The following FAAP20 variants were observed in gnomAD, a reference collection of about 807,000 sequenced individuals.
FAAP20 encodes FA core complex associated protein 20, also known as Fanconi anemia core complex-associated protein 20.
FAAP20 carries 12 observed loss-of-function variants against 16.2 expected under a neutral mutation model. That is an observed-to-expected ratio of 0.74 (90% CI 0.48 to 1.20). The LOEUF (loss-of-function observed/expected upper bound fraction) is 1.20. Among genes scored for constraint, FAAP20 ranks in the 50% most tolerant of loss-of-function variants. FAAP20 has a pLI of 0.00. For synonymous variants in FAAP20, 141 were observed against 110.7 expected, an observed-to-expected ratio of 1.27 and a Z score of -1.72; for missense variants, 288 against 245.8, an observed-to-expected ratio of 1.17 and a Z score of -1.15.
chr1:2,209,705 G>A (rs1457784001), downstream of FAAP20, among the ~76,000 whole-genome samples: 1 of 152,194 alleles, frequency 6.6e-6, no homozygotes, highest in African/African-American at 2.4e-5. Context: ...CTTGGTGCTG[G>A]TGGCGTTCGG....
upstream of FAAP20, chr1:2,198,114 C>T (rs1301564738): frequency 7.7e-7 from 1 of 1,291,128 alleles, no homozygotes; most frequent in Non-Finnish European, 1.0e-6. Flanking sequence ...TTCTTCGGAG[C>T]CATCTGCTGC....
chr1:2,202,276 C>G (rs952489591), upstream of FAAP20, among the ~76,000 whole-genome samples: 1 of 152,124 alleles, frequency 6.6e-6, no homozygotes, highest in Non-Finnish European at 1.5e-5. Flanking sequence ...CCAGCTATGC[C>G]CTCCATATGT....
upstream of FAAP20, among the ~76,000 whole-genome samples, chr1:2,195,033 G>A (rs1379823489): frequency 1.3e-5 from 2 of 151,418 alleles, no homozygotes; most frequent in African/African-American, 4.9e-5. Context: ...AGCCCCCTCC[G>A]TTACCCCGAT....
chr1:2,185,089 TG>T (rs1437785042), downstream of FAAP20: 2 of 1,363,148 alleles, frequency 1.5e-6, no homozygotes, highest in Admixed American at 2.0e-5. Flanking sequence ...CATGCCAGGC[TG>T]GGCACGGCTC....
At chr1:2,211,417 ATATATATATATATATATATTTT>A (rs1689436104), downstream of FAAP20, among the ~76,000 whole-genome samples, 1 of 15,742 alleles carries the variant, frequency 6.4e-5, no homozygotes, top group Non-Finnish European at 9.9e-5. Flanking sequence ...ATATATATAT[ATATATATATATATATATATTTT>A]TTTTTTTTTT....
At chr1:2,193,108 G>A (rs924236030) in intron 3 of FAAP20, 14 of 900,346 alleles carry the variant, frequency 1.6e-5, no homozygotes, top group African/African-American at 8.7e-5. Context: ...GACCTGCTCC[G>A]GAGGCCAAGG....
upstream of FAAP20, chr1:2,200,816 C>T (rs1227639222): frequency 2.0e-6 from 2 of 1,021,624 alleles, no homozygotes; most frequent in Non-Finnish European, 2.4e-6. Context: ...TGGAAGGGGG[C>T]CCTTGGAGGA....
upstream of FAAP20, among the ~76,000 whole-genome samples, chr1:2,195,963 G>T (rs1052650980): frequency 6.6e-6 from 1 of 152,348 alleles, no homozygotes; most frequent in Admixed American, 6.5e-5. Context: ...TGCCCGGGCA[G>T]GGGGAGGGGG....
chr1:2,212,007 A>G (rs1689464388), downstream of FAAP20, among the ~76,000 whole-genome samples: 1 of 144,484 alleles, frequency 6.9e-6, no homozygotes, highest in Non-Finnish European at 1.5e-5. Context: ...GGTTCACACC[A>G]TTCTCCTGCC....
upstream of FAAP20, among the ~76,000 whole-genome samples, chr1:2,204,401 A>G (rs1161852203): frequency 3.3e-5 from 5 of 152,264 alleles, no homozygotes; most frequent in Non-Finnish European, 1.5e-5. Context: ...GGGGACGGTC[A>G]GTTCTCCCAA....
At chr1:2,202,659 C>T (rs553936728), upstream of FAAP20, among the ~76,000 whole-genome samples, 4 of 151,818 alleles carry the variant, frequency 2.6e-5, no homozygotes, top group Admixed American at 2.0e-4. Context: ...TTTGTAGAGA[C>T]GGGATGGGAT....
At chr1:2,201,188 C>T (rs1346387280), upstream of FAAP20, 19 of 1,244,950 alleles carry the variant, frequency 1.5e-5, no homozygotes, top group Non-Finnish European at 1.9e-5. Flanking sequence ...CACAGAGGAG[C>T]CGTGGGGTGG....
chr1:2,188,875 G>A (rs1687838079), downstream of FAAP20, among the ~76,000 whole-genome samples: 1 of 151,974 alleles, frequency 6.6e-6, no homozygotes, highest in South Asian at 2.1e-4. Context: ...CGTGGTGGCG[G>A]GCGCCTGTAG....
At chr1:2,205,886 C>T (rs1689240704) in intron 3 of FAAP20, among the ~76,000 whole-genome samples, 1 of 152,268 alleles carries the variant, frequency 6.6e-6, no homozygotes, top group Non-Finnish European at 1.5e-5. Context: ...ACCCGGGCCC[C>T]GGCCCACCTG....
chr1:2,193,913 G>A lies in FAAP20; in HGVS notation c.199-3C>T. The A allele has an allele frequency of 2.5e-6, 4 of 1,612,032 alleles. No individual in the cohort carries two copies. The highest frequency in any genetic ancestry group is 1.7e-4 in the Middle Eastern group (1 of 6,054). ...GGCTCCGGGCCGCACCTGGGCTCCT[G>A]CAACACAGAGTTGTTGGGCCTTGCC... is the stretch of plus-strand genomic sequence containing the variant. On this transcript the variant is annotated splice_region_variant and splice_polypyrimidine_tract_variant and intron_variant, in intron 2 of 3. Transcript: ENST00000378546.
At chr1:2,195,394 T>C (rs1411555624), upstream of FAAP20, among the ~76,000 whole-genome samples, 4 of 152,180 alleles carry the variant, frequency 2.6e-5, no homozygotes. Flanking sequence ...GGTGCCACAC[T>C]TGGCTGTGCC....
chr1:2,194,002 C>A lies in FAAP20; in HGVS notation c.194G>T (p.Gly65Val). The A allele has an allele frequency of 1.2e-6, 2 of 1,612,748 alleles. No individual in the cohort carries two copies. Among genetic ancestry groups the A allele is most frequent in the Non-Finnish European group, 1.7e-6 (2 of 1,179,932 alleles). Residue 65 changes from glycine (G) to valine (V), a missense_variant, in exon 2 of 4, where the codon GGA becomes GTA. By Grantham distance (109) the Gly-to-Val change is moderately radical. Coordinates refer to ENST00000378546, the MANE Select transcript of FAAP20 (RefSeq NM_182533.4). Reference protein sequence around the residue: ...HEVPSLPAFPGQEPRCGPEPT... With the variant: ...HEVPSLPAFPVQEPRCGPEPT... ...AGATGGGCCCAGTGGGCACACCTGT[C>A]CTGGGAAGGCGGGCAGTGAAGGCAC...
upstream of FAAP20, chr1:2,198,225 A>C (rs1358186594): frequency 1.6e-6 from 2 of 1,216,228 alleles, no homozygotes; most frequent in African/African-American, 3.1e-5. Context: ...TCATGTTTAC[A>C]AAAGAACGTT....
rs1454928949 is a variant in FAAP20, at chr1:2,192,630, G to A, written c.470+1009C>T. ...GGGCTCCCAACAGTACCCTCTGTCC[G>A]TGATTCAGGGTCTTACTCTGTCACC... On this transcript the variant is annotated intron_variant, in intron 3 of 3. Transcript: ENST00000378546. The A allele has an allele frequency of 5.1e-6, 6 of 1,167,578 alleles. No individual in the cohort carries two copies. The Admixed American group carries it at 1.5e-4, about 29-fold the overall frequency. 72.3% of individuals were successfully genotyped at this position (1,167,578 alleles called of 1,614,324 possible). A position where few individuals can be genotyped will look rare whatever the true frequency, so the allele number is the denominator to read the frequency against.
Sources: allele counts gnomAD v4.1 joint callset (sites outside exome capture counted in the v4.1 genomes callset), GRCh38; gene constraint gnomAD v4.1.1; transcripts MANE v1.5; gene names NCBI Gene and HGNC (gene_info 2026-07-23, HGNC 2026-07-21).